ZNF688: variants seen among roughly 807,000 people sequenced by gnomAD.
The protein encoded by ZNF688 is zinc finger protein 688.
In ZNF688, 10 loss-of-function variants were observed where a neutral mutation model predicts 13.2. That is an observed-to-expected ratio of 0.76 (90% CI 0.47 to 1.28). The LOEUF (loss-of-function observed/expected upper bound fraction) is 1.28, where lower values mean the gene tolerates loss of function less well. Among genes scored for constraint, ZNF688 ranks in the 50% most tolerant of loss-of-function variants. The pLI is 0.00. For synonymous variants in ZNF688, 160 were observed against 159.4 expected, an observed-to-expected ratio of 1.00 and a Z score of -0.03; for missense variants, 381 against 391.4, an observed-to-expected ratio of 0.97 and a Z score of 0.22.
At position 30,571,076 on chromosome 16, in the gene ZNF688, T is replaced by A; in HGVS notation, c.244A>T (p.Ser82Cys). 2 of 1,602,296 alleles carry A rather than the reference T, an allele frequency of 1.2e-6. No homozygotes were observed. The highest frequency in any genetic ancestry group is 1.7e-6 in the Non-Finnish European group (2 of 1,175,602). ...PALISWMEQESEAWSPAAQDP... is the reference protein window; with the variant it reads ...PALISWMEQECEAWSPAAQDP... ...TGGGCGGCGGGGCTCCAAGCCTCAC[T>A]CTCCTGTTCCATCCAAGAGATGAGG... The change falls in exon 2 of 3, where the codon AGT (serine) becomes TGT (cysteine). Residue 82 changes from serine (S) to cysteine (C), a missense_variant. Transcript: ENST00000223459.
At chr16:30,572,467 G>A, upstream of ZNF688, 1 of 497,868 alleles carries the variant, frequency 2.0e-6, no homozygotes, top group Middle Eastern at 5.6e-4. Context: ...GGCATCCGCA[G>A]CTCGGCTCGC....
chr16:30,571,578 G>T lies in ZNF688; in HGVS notation c.52C>A (p.Pro18Thr). 2.6e-6 allele frequency: 4 copies of T among 1,560,590 alleles called. No homozygotes were observed. Among genetic ancestry groups the T allele is most frequent in the Non-Finnish European group, 3.5e-6 (4 of 1,154,166 alleles). ...LLAPRPGETR[P>T]GCRKPGTVSF... ...ACAGTCCCGGGCTTCCTGCAACCAG[G>T]CCGGGTCTCCCCGGGCCTCGGCGCC... Residue 18 changes from proline (P) to threonine (T), a missense_variant, in exon 1 of 3, where the codon CCT becomes ACT. Coordinates refer to ENST00000223459, the MANE Select transcript of ZNF688 (RefSeq NM_145271.4).
chr16:30,576,744 TCTC>T (rs1463091987), upstream of ZNF688, among the ~76,000 whole-genome samples: 1 of 152,100 alleles, frequency 6.6e-6, no homozygotes, highest in Non-Finnish European at 1.5e-5. Flanking sequence ...TTATTTTGAT[TCTC>T]CTTCTATTAT....
rs776381852 is a variant in ZNF688 at position 30,570,348 on chromosome 16, T to C, written c.399A>G (p.Glu133=). The C allele has an allele frequency of 1.9e-6, 3 of 1,614,082 alleles. No individual in the cohort carries two copies. In the South Asian group the frequency reaches 3.3e-5, roughly 18 times the overall value. ...GGTCAGGGTTGCGTTCCACCAGCAC[T>C]TCAGGACTCTCCTTCACAGGAGCCT... The part of the protein sequence containing the change: ...PRKAPVKESP[E]VLVERNPDPA... Residue 133 remains glutamate (E), a synonymous_variant, in exon 3 of 3, where the codon GAA becomes GAG. Transcript: ENST00000223459.
In ZNF688 at chr16:30,570,164, G is replaced by A. The variant is rs1359582584; in HGVS notation, c.583C>T (p.Pro195Ser). ...CGCCTGTGGCTGACCAGCAGTGAGG[G>A]GTAGGTGAAGCGGCGGCCGCAGTCC... ...CTDCGRRFTY[P>S]SLLVSHRRMH... is the part of the protein sequence containing the mutation. The change falls in exon 3 of 3, where the codon CCC becomes TCC. Residue 195 changes from proline to serine, a missense_variant. Coordinates refer to ENST00000223459, the MANE Select transcript of ZNF688 (RefSeq NM_145271.4). The A allele has an allele frequency of 6.2e-7, 1 of 1,611,272 alleles. No individual in the cohort carries two copies. Among genetic ancestry groups the A allele is most frequent in the Non-Finnish European group, 8.5e-7 (1 of 1,178,454 alleles).
chr16:30,571,632 G>A lies in ZNF688; in HGVS notation c.-3C>T. ...AGCGGGGCTGGGGGCGGCGCCATGG[G>A]GCCTCGCAGCCCCGATCGGCGGCCG... On this transcript the variant is annotated 5_prime_UTR_variant, in exon 1 of 3. Coordinates refer to ENST00000223459, the MANE Select transcript of ZNF688 (RefSeq NM_145271.4). 6 of 1,451,474 alleles carry A rather than the reference G, an allele frequency of 4.1e-6. No individual in the cohort carries two copies. The highest frequency in any genetic ancestry group is 5.5e-5 in the East Asian group (2 of 36,138). 89.9% of individuals were successfully genotyped at this position (1,451,474 alleles called of 1,614,324 possible). A position where few individuals can be genotyped will look rare whatever the true frequency, so the allele number is the denominator to read the frequency against.
chr16:30,570,108 G>A lies in ZNF688; in HGVS notation c.639C>T (p.Cys213=). The change falls in exon 3 of 3, where the codon TGC becomes TGT. Residue 213 remains cysteine, a synonymous_variant. Transcript: ENST00000223459. ...TCTTGAAGCGCATGCCACACTCGGGGCAGGGGAAAGGCCGCTCCCCCGAGT... is the reference window on the plus strand; with the variant it reads ...TCTTGAAGCGCATGCCACACTCGGGACAGGGGAAAGGCCGCTCCCCCGAGT... ...RMHSGERPFP[C]PECGMRFKRK... is the part of the protein sequence containing the mutation. 1.9e-6 allele frequency: 3 copies of A among 1,611,462 alleles called. No homozygotes were observed. The highest frequency in any genetic ancestry group is 2.5e-6 in the Non-Finnish European group (3 of 1,179,014).
At chr16:30,573,379 G>T (rs2051714864), upstream of ZNF688, among the ~76,000 whole-genome samples, 1 of 152,034 alleles carries the variant, frequency 6.6e-6, no homozygotes, top group Non-Finnish European at 1.5e-5. Context: ...GCTGTCCTGG[G>T]TTGTATCTTC....
At chr16:30,576,197 A>G (rs1443629026), upstream of ZNF688, among the ~76,000 whole-genome samples, 1 of 151,268 alleles carries the variant, frequency 6.6e-6, no homozygotes, top group Non-Finnish European at 1.5e-5. Context: ...ACATACGTGC[A>G]CCACCATGCC....
chr16:30,571,784 C>T (rs934121925), upstream of ZNF688: 6 of 1,322,726 alleles, frequency 4.5e-6, no homozygotes, highest in African/African-American at 7.7e-5. Context: ...GGACTGGCTG[C>T]TAGGGATTCG....
chr16:30,577,844 AT>A, the ZNF688 span, among the ~76,000 whole-genome samples: 1 of 151,406 alleles, frequency 6.6e-6, no homozygotes, highest in East Asian at 1.9e-4. Flanking sequence ...TAATTTTTGT[AT>A]TTTTAGTAGA....
chr16:30,579,753 G>A, the ZNF688 span: 1 of 453,128 alleles, frequency 2.2e-6, no homozygotes, highest in African/African-American at 2.0e-5. Context: ...TTGAGTCACT[G>A]ACCACCAGTC....
chr16:30,579,898 GT>G, the ZNF688 span: 1 of 453,446 alleles, frequency 2.2e-6, no homozygotes, highest in South Asian at 1.6e-5. Flanking sequence ...GTTTTGTTTT[GT>G]TTTTTGAGAC....
chr16:30,570,938 G>T, intron 2 of ZNF688, 72 bp downstream of exon 2: 2 of 1,468,458 alleles, frequency 1.4e-6, no homozygotes, highest in South Asian at 2.3e-5. Flanking sequence ...TGGAAGTGGG[G>T]GCCTGAAAAG....
the ZNF688 span, chr16:30,579,793 A>G: frequency 2.2e-6 from 1 of 455,880 alleles, no homozygotes; most frequent in Non-Finnish European, 4.4e-6. Context: ...AGTCCCACCT[A>G]CCTCTTTTGT....
chr16:30,570,626 A>G (rs1457775948), intron 2 of ZNF688, 190 bp from the exon 3 acceptor site: 7 of 633,096 alleles, frequency 1.1e-5, no homozygotes, highest in South Asian at 2.4e-5. Context: ...TTATGCATCA[A>G]ATGGGAATAA....
chr16:30,574,544 TAA>T (rs201994070), upstream of ZNF688, among the ~76,000 whole-genome samples: 7 of 135,312 alleles, frequency 5.2e-5, no homozygotes, highest in Non-Finnish European at 3.2e-5. Context: ...AGACTCCATC[TAA>T]AAAAAAAAAA....
upstream of ZNF688, chr16:30,573,724 G>GT (rs2051719543): frequency 5.7e-6 from 1 of 174,326 alleles, no homozygotes; most frequent in Non-Finnish European, 1.2e-5. Context: ...TACCCTTGCT[G>GT]TTTTTCACCT....
chr16:30,572,306 T>C, upstream of ZNF688: 1 of 1,428,082 alleles, frequency 7.0e-7, no homozygotes, highest in African/African-American at 1.5e-5. Context: ...TCCCCTACGG[T>C]CTCTTACCGT....
Sources: gnomAD v4.1 joint callset for allele counts (sites outside exome capture counted in the v4.1 genomes callset) on GRCh38, gnomAD v4.1.1 for gene constraint, MANE v1.5 for transcripts, NCBI Gene and HGNC (gene_info 2026-07-23, HGNC 2026-07-21) for gene names.